The following PIN4 variants were observed in gnomAD, a reference collection of about 807,000 sequenced individuals.
PIN4 encodes the protein peptidylprolyl cis/trans isomerase, NIMA-interacting 4.
PIN4 carries 3 observed loss-of-function variants against 8.3 expected under a neutral mutation model. The ratio of observed to expected loss-of-function variants is 0.36; its 90% CI spans 0.16 to 0.93. The LOEUF is 0.93. Ranked by LOEUF, PIN4 falls within the 40% of genes least tolerant of loss-of-function variation. The pLI is 0.44. For missense variants in PIN4, 75 were observed against 100.6 expected (o/e 0.75, Z 1.09); for synonymous variants, 18 against 32.5 (o/e 0.55, Z 1.52).
chrX:72,262,419 C>G (rs1287886795), intron 3 of PIN4, among the ~76,000 whole-genome samples: 2 of 112,224 alleles, frequency 1.8e-5, no homozygotes, highest in South Asian at 3.7e-4. Context: ...TCATAACCTT[C>G]TCACTTCCTG....
downstream of PIN4, among the ~76,000 whole-genome samples, chrX:72,202,818 A>G (rs2042795301): frequency 8.9e-6 from 1 of 112,298 alleles, no homozygotes; most frequent in African/African-American, 3.2e-5. Flanking sequence ...GTGTATATAC[A>G]TATAATTTAC....
intron 2 of PIN4, among the ~76,000 whole-genome samples, chrX:72,187,652 A>C (rs2042710283): frequency 9.0e-6 from 1 of 111,274 alleles, no homozygotes; most frequent in Non-Finnish European, 1.9e-5. Context: ...AAAAATAAAA[A>C]ATCAGCCAGA....
At chrX:72,242,433 C>G (rs1296864500) in intron 3 of PIN4, among the ~76,000 whole-genome samples, 1 of 111,854 alleles carries the variant, frequency 8.9e-6, no homozygotes, top group Non-Finnish European at 1.9e-5. Context: ...GGTCTCAACC[C>G]AGGGCTCTGA....
rs1007122523 is a variant in PIN4, at chrX:72,195,922, C to T, written c.118-863C>T. 3.1e-4 allele frequency among the ~76,000 whole-genome samples: 34 copies of T among 109,674 alleles called. 1 individual carries two copies. Among genetic ancestry groups the T allele is most frequent in the African/African-American group, 1.0e-3 (31 of 29,977 alleles). On this transcript the variant is annotated intron_variant, in intron 2 of 3. Transcript: ENST00000373669. ...TCACTTGAGGTCAGGGGTTCAAGAC[C>T]GGCCTGGCCAACGTGGTGAAACACC... is the stretch of plus-strand genomic sequence containing the variant.
At position 72,207,192 on chromosome X, in the gene PIN4, T is replaced by C. The variant is rs373424116; in HGVS notation, c.312+10288T>C. On this transcript the variant is annotated intron_variant, in intron 3 of 3. Coordinates refer to the PIN4 transcript ENST00000423432. Reference sequence around the variant, plus strand: ...GCAGAAAAACAGAGTAATCTTTATTTTGCTGGAATAAGTTAATTCTTTTTT... The same window carrying C: ...GCAGAAAAACAGAGTAATCTTTATTCTGCTGGAATAAGTTAATTCTTTTTT... 1,378 of 1,209,824 alleles carry C rather than the reference T, an allele frequency of 1.1e-3. 17 individuals carry two copies. The South Asian group carries it at 0.023, about 20-fold the overall frequency.
At chrX:72,192,376 G>A (rs1396789369) in intron 2 of PIN4, among the ~76,000 whole-genome samples, 1 of 111,619 alleles carries the variant, frequency 9.0e-6, no homozygotes, top group Non-Finnish European at 1.9e-5. Context: ...TCAGCCTGCT[G>A]TATTCTGGCT....
exon 4 of PIN4, chrX:72,263,730 A>G (rs375691100): frequency 3.6e-5 from 4 of 111,407 alleles, no homozygotes; most frequent in African/African-American, 1.3e-4. Flanking sequence ...AGCCCACGGC[A>G]GAGGTAGCAG....
At chrX:72,194,148 C>A (rs952715158) in intron 2 of PIN4, among the ~76,000 whole-genome samples, 4 of 111,488 alleles carry the variant, frequency 3.6e-5, no homozygotes, top group African/African-American at 1.3e-4. Flanking sequence ...GCCTGTAATG[C>A]CAGCACTTTG....
intron 3 of PIN4, among the ~76,000 whole-genome samples, chrX:72,244,143 A>G (rs951824756): frequency 3.6e-5 from 4 of 112,220 alleles, no homozygotes; most frequent in Non-Finnish European, 5.6e-5. Flanking sequence ...AGTGGTGAGA[A>G]AAACAGACAA....
chrX:72,253,673 T>A (rs1445983646), intron 3 of PIN4, among the ~76,000 whole-genome samples: 1 of 106,535 alleles, frequency 9.4e-6, no homozygotes, highest in Non-Finnish European at 1.9e-5. Flanking sequence ...TGGTGGCTCA[T>A]ACTGTAATCC....
At chrX:72,228,528 T>C (rs1381217563) in intron 3 of PIN4, among the ~76,000 whole-genome samples, 1 of 111,714 alleles carries the variant, frequency 9.0e-6, no homozygotes, top group African/African-American at 3.3e-5. Flanking sequence ...ACCCGAATCT[T>C]GGAAGAAAAG....
In PIN4 at chrX:72,206,665, A is replaced by G. The variant is rs964737805; in HGVS notation, c.312+9761A>G. 1.7e-6 allele frequency: 2 copies of G among 1,211,227 alleles called. No homozygotes were observed. Among genetic ancestry groups the G allele is most frequent in the Admixed American group, 4.4e-5 (2 of 45,967 alleles). On this transcript the variant is annotated intron_variant, in intron 3 of 3. Transcript: ENST00000423432. Reference sequence around the variant, plus strand: ...TTCAACGAGGAATTGAGCTTTCTGAACCCTTTGTTGAATATAGTGAGATTC... The same window carrying G: ...TTCAACGAGGAATTGAGCTTTCTGAGCCCTTTGTTGAATATAGTGAGATTC...
chrX:72,244,519 G>GT (rs1443336227), intron 3 of PIN4, among the ~76,000 whole-genome samples: 1 of 111,384 alleles, frequency 9.0e-6, no homozygotes, highest in East Asian at 2.8e-4. Flanking sequence ...AGTTGAAACG[G>GT]TTTTTTGGAC....
intron 3 of PIN4, among the ~76,000 whole-genome samples, chrX:72,237,414 C>T (rs1388215931): frequency 9.1e-6 from 1 of 110,226 alleles, no homozygotes; most frequent in African/African-American, 3.3e-5. Flanking sequence ...CCGGCTAACA[C>T]GGTGAAACCC....
intron 3 of PIN4, chrX:72,208,044 T>C (rs765647521): frequency 8.3e-7 from 1 of 1,211,812 alleles, no homozygotes; most frequent in East Asian, 3.0e-5. Context: ...GAGCACATAT[T>C]GCTGACTTAG....
intron 3 of PIN4, among the ~76,000 whole-genome samples, chrX:72,220,652 T>C (rs751763266): frequency 3.9e-5 from 4 of 102,713 alleles, no homozygotes; most frequent in Non-Finnish European, 4.0e-5. Flanking sequence ...CAAGATAACC[T>C]CCCCTCCTCC....
chrX:72,233,721 C>CA (rs35310682), intron 3 of PIN4, among the ~76,000 whole-genome samples: 29,434 of 89,630 alleles, frequency 0.33, 4,292 homozygotes, highest in East Asian at 0.68. Context: ...GACTCCGTCT[C>CA]AAAAAAAAAA....
chrX:72,214,425 G>A lies in PIN4; in HGVS notation c.312+17521G>A, dbSNP rs1389904837. On this transcript the variant is annotated intron_variant, in intron 3 of 3. Transcript: ENST00000423432. ...TAGCCAAAAACTGGAAACAACCCCA[G>A]CACTTTGGGAGGCCGAGGCGGTTGG... Among the ~76,000 whole-genome samples, 3 of 111,781 alleles carry A rather than the reference G, an allele frequency of 2.7e-5. No individual in the cohort carries two copies. In the East Asian group the frequency reaches 8.4e-4, roughly 31 times the overall value.
At chrX:72,185,947 A>G (rs2042700517) in intron 1 of PIN4, among the ~76,000 whole-genome samples, 1 of 112,377 alleles carries the variant, frequency 8.9e-6, no homozygotes, top group South Asian at 3.6e-4. Flanking sequence ...GCAGGGTGTT[A>G]AATTGGATGC....
Sources: allele counts gnomAD v4.1 joint callset (sites outside exome capture counted in the v4.1 genomes callset), GRCh38; gene constraint gnomAD v4.1.1; transcripts MANE v1.5; gene names NCBI Gene and HGNC (gene_info 2026-07-23, HGNC 2026-07-21).